Variants in AGBL4 observed in about 807,000 individuals in gnomAD.
AGBL4 encodes the protein AGBL carboxypeptidase 4, also known as cytosolic carboxypeptidase 6.
Under a neutral mutation model 66.4 loss-of-function variants are expected in AGBL4, and 58 were observed. The observed-to-expected ratio is 0.87, with a 90% confidence interval of 0.71 to 1.09. The LOEUF is 1.09. AGBL4 is among the 50% of genes least tolerant of loss of function. The probability of loss-of-function intolerance (pLI) is 0.00; values close to 1 mark genes in which losing one functional copy is unlikely to be tolerated. For missense variants in AGBL4, 579 were observed against 631.0 expected, an observed-to-expected ratio of 0.92 and a Z score of 0.88; for synonymous variants, 234 against 222.9, an observed-to-expected ratio of 1.05 and a Z score of -0.44.
intron 1 of AGBL4, among the ~76,000 whole-genome samples, chr1:50,010,372 C>T (rs932674270): frequency 1.3e-5 from 2 of 151,554 alleles, no homozygotes; most frequent in African/African-American, 2.4e-5. Context: ...TCATACTATC[C>T]AAAGCAATCT....
rs554420779 is a variant in AGBL4 at position 49,326,748 on chromosome 1, T to C, written c.283-80884A>G. Among the ~76,000 whole-genome samples, 10 of 152,280 alleles carry C rather than the reference T, an allele frequency of 6.6e-5. No individual in the cohort carries two copies. In the South Asian group the frequency reaches 2.1e-3, roughly 32 times the overall value. ...GAGCATAAGGAGGCATTCTTTACAT[T>C]AGGAAAAATAGAAATTACTGGAAAA... On this transcript the variant is annotated intron_variant, in intron 3 of 13. Coordinates refer to ENST00000371839, the MANE Select transcript of AGBL4 (RefSeq NM_032785.4).
chr1:49,613,147 C>A (rs1446059278), intron 3 of AGBL4, among the ~76,000 whole-genome samples: 1 of 152,086 alleles, frequency 6.6e-6, no homozygotes, highest in Non-Finnish European at 1.5e-5. Flanking sequence ...CCAAATACTG[C>A]ATGCTGTCAC....
At position 48,534,298 on chromosome 1, in the gene AGBL4, A is replaced by G; in HGVS notation, c.1392-5T>C. ...TAAGGAGGGGATTTTTCTTTCCTGCAAAGGGGGAGATAACAGAAAGAGAGA... is the reference window on the plus strand; with the variant it reads ...TAAGGAGGGGATTTTTCTTTCCTGCGAAGGGGGAGATAACAGAAAGAGAGA... On this transcript the variant is annotated splice_polypyrimidine_tract_variant and splice_region_variant and intron_variant, in intron 13 of 13. Transcript: ENST00000371839. 8 of 1,549,256 alleles carry G rather than the reference A, an allele frequency of 5.2e-6. No individual in the cohort carries two copies. Among genetic ancestry groups the G allele is most frequent in the Non-Finnish European group, 7.0e-6 (8 of 1,146,048 alleles).
intron 3 of AGBL4, among the ~76,000 whole-genome samples, chr1:49,347,880 CA>C (rs953659799): frequency 1.3e-5 from 2 of 151,472 alleles, no homozygotes; most frequent in African/African-American, 2.4e-5. Flanking sequence ...ACAGCAACAA[CA>C]AAAAAACTTG....
intron 5 of AGBL4, among the ~76,000 whole-genome samples, chr1:48,886,067 G>C (rs1380424413): frequency 3.3e-5 from 5 of 152,186 alleles, no homozygotes; most frequent in African/African-American, 1.2e-4. Context: ...TGGGGAGAGA[G>C]AGGTCAGGTG....
intron 3 of AGBL4, among the ~76,000 whole-genome samples, chr1:49,565,825 T>G (rs926581244): frequency 6.6e-6 from 1 of 152,200 alleles, no homozygotes; most frequent in African/African-American, 2.4e-5. Context: ...TTCTCTGTAT[T>G]TCCTGAATTT....
At chr1:49,112,245 A>G (rs1290168722) in intron 4 of AGBL4, among the ~76,000 whole-genome samples, 1 of 152,238 alleles carries the variant, frequency 6.6e-6, no homozygotes, top group African/African-American at 2.4e-5. Context: ...AGTATAACAT[A>G]GTGATAGAAA....
At chr1:49,138,117 T>C (rs1457280261) in intron 4 of AGBL4, among the ~76,000 whole-genome samples, 1 of 152,012 alleles carries the variant, frequency 6.6e-6, no homozygotes, top group African/African-American at 2.4e-5. Flanking sequence ...TGGGAGAGTA[T>C]GGGAGGAAGA....
intron 5 of AGBL4, among the ~76,000 whole-genome samples, chr1:48,869,260 T>C (rs2148826579): frequency 6.6e-6 from 1 of 152,316 alleles, no homozygotes; most frequent in East Asian, 1.9e-4. Context: ...ATCCTAGCAC[T>C]GATATGAAAC....
At chr1:48,894,021 G>C (rs898790922) in intron 5 of AGBL4, among the ~76,000 whole-genome samples, 16 of 152,338 alleles carry the variant, frequency 1.1e-4, no homozygotes, top group Admixed American at 7.2e-4. Flanking sequence ...CTGGCCACCA[G>C]AGTCGCAAAT....
intron 6 of AGBL4, among the ~76,000 whole-genome samples, chr1:48,672,645 C>A (rs927745490): frequency 5.3e-5 from 8 of 152,188 alleles, no homozygotes; most frequent in African/African-American, 1.9e-4. Context: ...CTTCCCTATG[C>A]CCGCTCTCAA....
chr1:48,637,458 T>C (rs1645685628), intron 8 of AGBL4, among the ~76,000 whole-genome samples: 2 of 152,196 alleles, frequency 1.3e-5, no homozygotes, highest in Admixed American at 6.5e-5. Context: ...CATTACAAGA[T>C]GAGGCATGAT....
chr1:49,109,706 C>T (rs1645367254), intron 4 of AGBL4, among the ~76,000 whole-genome samples: 1 of 152,116 alleles, frequency 6.6e-6, no homozygotes, highest in Non-Finnish European at 1.5e-5. Context: ...TCTGGTGAAT[C>T]ACTAGATTGA....
intron 9 of AGBL4, among the ~76,000 whole-genome samples, chr1:48,609,577 C>T (rs999421948): frequency 2.6e-5 from 4 of 152,016 alleles, no homozygotes; most frequent in East Asian, 1.9e-4. Context: ...CACATGCCAC[C>T]GCACCCAGAT....
chr1:48,941,054 G>C (rs1655928836), intron 5 of AGBL4, among the ~76,000 whole-genome samples: 1 of 152,186 alleles, frequency 6.6e-6, no homozygotes, highest in Admixed American at 6.5e-5. Flanking sequence ...GTAAGTTATT[G>C]CAGAGGATCA....
intron 3 of AGBL4, among the ~76,000 whole-genome samples, chr1:49,359,460 A>G (rs773711156): frequency 7.9e-5 from 12 of 152,228 alleles, no homozygotes; most frequent in Non-Finnish European, 1.5e-4. Flanking sequence ...ATGGTTTCCA[A>G]AAAAACAAAA....
chr1:49,950,132 A>G (rs868205640), intron 1 of AGBL4, among the ~76,000 whole-genome samples: 57 of 142,092 alleles, frequency 4.0e-4, no homozygotes, highest in Admixed American at 1.6e-3. Flanking sequence ...ATATGTGTAT[A>G]TATATACACA....
intron 4 of AGBL4, among the ~76,000 whole-genome samples, chr1:49,124,333 G>T (rs1263517629): frequency 6.6e-6 from 1 of 152,158 alleles, no homozygotes; most frequent in Non-Finnish European, 1.5e-5. Context: ...TCAAATGATA[G>T]AAGATAGAAC....
chr1:48,769,154 C>A (rs1455386541), intron 6 of AGBL4, among the ~76,000 whole-genome samples: 1 of 152,160 alleles, frequency 6.6e-6, no homozygotes, highest in African/African-American at 2.4e-5. Context: ...ACAGGGACTT[C>A]CAGGTCTCTT....
Sources: allele counts gnomAD v4.1 joint callset (sites outside exome capture counted in the v4.1 genomes callset), GRCh38; gene constraint gnomAD v4.1.1; transcripts MANE v1.5; gene names NCBI Gene and HGNC (gene_info 2026-07-23, HGNC 2026-07-21).